Variants in HSF2BP observed in about 807,000 individuals in gnomAD.
The protein encoded by HSF2BP is heat shock factor 2-binding protein.
Under a neutral mutation model 35.0 loss-of-function variants are expected in HSF2BP, and 35 were observed. The observed-to-expected ratio is 1.00, with a 90% CI of 0.76 to 1.32. The LOEUF (loss-of-function observed/expected upper bound fraction) is 1.32, where lower values mean the gene tolerates loss of function less well. Ranked by LOEUF, HSF2BP falls within the 40% of genes most tolerant of loss-of-function variation. The pLI, the probability that HSF2BP is intolerant of heterozygous loss-of-function variation, is 0.00. For synonymous variants in HSF2BP, 114 were observed against 117.4 expected, an observed-to-expected ratio of 0.97 and a Z score of 0.18; for missense variants, 326 against 321.7, an observed-to-expected ratio of 1.01 and a Z score of -0.10.
Position 43,630,546 on chromosome 21 carries a change from A to C in HSF2BP, c.442-92T>G, listed in dbSNP as rs1230081764. The C allele has an allele frequency of 2.2e-6, 3 of 1,392,828 alleles. No individual in the cohort carries two copies. The East Asian group carries it at 7.4e-5, about 34-fold the overall frequency. 86.3% of individuals were successfully genotyped at this position (1,392,828 alleles called of 1,614,324 possible). Reference sequence around the variant, plus strand: ...GCAGGATACAGAAGATTCTAGTTTTAATTGTAGAATATTGTAAAATCTATT... The same window carrying C: ...GCAGGATACAGAAGATTCTAGTTTTCATTGTAGAATATTGTAAAATCTATT... On this transcript the variant is annotated intron_variant, in intron 5 of 8. Transcript: ENST00000291560.
At chr21:43,644,252 T>TC in intron 4 of HSF2BP, 37 bp downstream of exon 4, 6 of 1,513,074 alleles carry the variant, frequency 4.0e-6, no homozygotes, top group Non-Finnish European at 5.5e-6. Context: ...CAGCCCCACT[T>TC]TCTGGCTTGG....
rs1024827592 is a variant in HSF2BP, at chr21:43,613,890, A to G, written c.632T>C (p.Leu211Ser). Residue 211 changes from leucine (L) to serine (S), a missense_variant, in exon 7 of 9, where the codon TTG (leucine) becomes TCG (serine). By Grantham distance (145) the Leu-to-Ser change is moderately radical. Transcript: ENST00000291560. ...EFLVNSSRVL[L>S]DTILQLLGDL... Reference sequence around the variant, plus strand: ...TCCCAGAAGCTGCAATATGGTGTCCAAGAGCACCCGGCTTGAATTAACCAA... The same window carrying G: ...TCCCAGAAGCTGCAATATGGTGTCCGAGAGCACCCGGCTTGAATTAACCAA... 4 of 1,612,522 alleles carry G rather than the reference A, an allele frequency of 2.5e-6. No individual in the cohort carries two copies. The highest frequency in any genetic ancestry group is 3.4e-6 in the Non-Finnish European group (4 of 1,179,682).
intron 6 of HSF2BP, among the ~76,000 whole-genome samples, chr21:43,615,336 C>T (rs1472052607): frequency 6.6e-6 from 1 of 152,214 alleles, no homozygotes; most frequent in African/African-American, 2.4e-5. Flanking sequence ...AAGAAGTCTT[C>T]TTCTATTTTT....
chr21:43,610,484 G>C (rs1048858350), intron 7 of HSF2BP, among the ~76,000 whole-genome samples: 2 of 151,770 alleles, frequency 1.3e-5, no homozygotes, highest in African/African-American at 4.8e-5. Flanking sequence ...AGAGTAGCTG[G>C]GACCCCAGTT....
chr21:43,507,012 C>A, the HSF2BP span, among the ~76,000 whole-genome samples: 1 of 105,694 alleles, frequency 9.5e-6, no homozygotes, highest in African/African-American at 3.4e-5. Flanking sequence ...GGCACTGCAC[C>A]ACCCTGGACC....
intron 6 of HSF2BP, among the ~76,000 whole-genome samples, chr21:43,619,555 G>A (rs1310100166): frequency 6.6e-6 from 1 of 152,188 alleles, no homozygotes; most frequent in East Asian, 1.9e-4. Flanking sequence ...TAAGACAACT[G>A]GACTTTCATA....
At chr21:43,631,851 G>A (rs1251311420) in intron 5 of HSF2BP, among the ~76,000 whole-genome samples, 1 of 152,006 alleles carries the variant, frequency 6.6e-6, no homozygotes, top group African/African-American at 2.4e-5. Context: ...ACAAATGCCT[G>A]CACGCATGCA....
chr21:43,655,163 A>G (rs1415838210), intron 3 of HSF2BP, among the ~76,000 whole-genome samples: 7 of 152,358 alleles, frequency 4.6e-5, no homozygotes, highest in African/African-American at 1.7e-4. Context: ...CAGTGAGAAT[A>G]TAACCAACCA....
chr21:43,475,817 C>T, the HSF2BP span: 1 of 34,246 alleles, frequency 2.9e-5, no homozygotes, highest in Non-Finnish European at 4.9e-5. Context: ...TGCCATTGCA[C>T]TCCAGCCTGG....
intron 3 of HSF2BP, among the ~76,000 whole-genome samples, chr21:43,650,969 A>G (rs892355841): frequency 6.6e-6 from 1 of 151,974 alleles, no homozygotes; most frequent in African/African-American, 2.4e-5. Flanking sequence ...TGGCTTCCCA[A>G]AGTGTTGGGA....
At chr21:43,579,377 G>A (rs1333521869) in intron 8 of HSF2BP, among the ~76,000 whole-genome samples, 1 of 152,180 alleles carries the variant, frequency 6.6e-6, no homozygotes, top group Non-Finnish European at 1.5e-5. Flanking sequence ...CAAAAATGGA[G>A]CAAGCATTAT....
At chr21:43,583,334 GCT>G (rs1237498239) in intron 8 of HSF2BP, among the ~76,000 whole-genome samples, 196 of 88,934 alleles carry the variant, frequency 2.2e-3, no homozygotes, top group Non-Finnish European at 2.7e-3. Flanking sequence ...ATGAGGGCCT[GCT>G]GCGGGAGATG....
intron 7 of HSF2BP, among the ~76,000 whole-genome samples, chr21:43,603,195 C>T (rs558132761): frequency 1.3e-5 from 2 of 152,224 alleles, no homozygotes; most frequent in South Asian, 2.1e-4. Flanking sequence ...GTCACAGCAG[C>T]GGAGAAAGAG....
intron 5 of HSF2BP, 135 bp from the exon 6 acceptor site, chr21:43,630,589 C>T: frequency 8.5e-7 from 1 of 1,174,516 alleles, no homozygotes; most frequent in Non-Finnish European, 1.1e-6. Flanking sequence ...TAAAAGTTCC[C>T]ATTAAAAGAA....
chr21:43,624,298 AGCTCAAAACTG>A (rs1444845496), intron 6 of HSF2BP, among the ~76,000 whole-genome samples: 1 of 152,250 alleles, frequency 6.6e-6, no homozygotes, highest in Non-Finnish European at 1.5e-5. Flanking sequence ...AGTAAGTTTA[AGCTCAAAACTG>A]GCACCTTATT....
intron 6 of HSF2BP, among the ~76,000 whole-genome samples, chr21:43,626,837 A>G (rs1204505381): frequency 6.6e-6 from 1 of 151,672 alleles, no homozygotes; most frequent in Non-Finnish European, 1.5e-5. Flanking sequence ...AATACTCACT[A>G]GTACATTCCA....
At chr21:43,631,367 T>C in intron 5 of HSF2BP, among the ~76,000 whole-genome samples, 1 of 152,078 alleles carries the variant, frequency 6.6e-6, no homozygotes, top group East Asian at 1.9e-4. Context: ...AGGTGCCCAC[T>C]CTGCCCGGCC....
intron 3 of HSF2BP, among the ~76,000 whole-genome samples, chr21:43,650,668 T>G (rs117569301): frequency 0.014 from 2,099 of 150,878 alleles, 20 homozygotes; most frequent in Middle Eastern, 0.028. Flanking sequence ...CCTTAACAAG[T>G]CAAATGGAGG....
At chr21:43,649,908 T>A (rs1432013712) in intron 3 of HSF2BP, among the ~76,000 whole-genome samples, 2 of 152,238 alleles carry the variant, frequency 1.3e-5, no homozygotes, top group Non-Finnish European at 2.9e-5. Flanking sequence ...CATATCAGTT[T>A]AATTAGAAAG....
Sources: gnomAD v4.1 joint callset for allele counts (sites outside exome capture counted in the v4.1 genomes callset) on GRCh38, gnomAD v4.1.1 for gene constraint, MANE v1.5 for transcripts, NCBI Gene and HGNC (gene_info 2026-07-23, HGNC 2026-07-21) for gene names.